The following MAPK4 variants were observed in gnomAD, a reference collection of about 807,000 sequenced individuals.
MAPK4 encodes the protein mitogen-activated protein kinase 4, also known as Erk3-related.
MAPK4 carries 22 observed loss-of-function variants against 47.7 expected under a neutral mutation model. That is an observed-to-expected ratio of 0.46 (90% CI 0.33 to 0.66). MAPK4 has a LOEUF of 0.66. Ranked by LOEUF, MAPK4 falls within the 30% of genes least tolerant of loss-of-function variation. The probability of loss-of-function intolerance (pLI) is 0.02; values close to 1 mark genes in which losing one functional copy is unlikely to be tolerated. For synonymous variants in MAPK4, 390 were observed against 365.7 expected, an observed-to-expected ratio of 1.07 and a Z score of -0.76; for missense variants, 736 against 831.7, an observed-to-expected ratio of 0.88 and a Z score of 1.42.
chr18:50,566,748 T>C (rs925945116), intron 1 of MAPK4, among the ~76,000 whole-genome samples: 2 of 152,246 alleles, frequency 1.3e-5, no homozygotes, highest in African/African-American at 4.8e-5. Context: ...GCTTTTTTTG[T>C]ATCATCTTTA....
chr18:50,631,515 G>T (rs2144154447), intron 1 of MAPK4, among the ~76,000 whole-genome samples: 2 of 152,226 alleles, frequency 1.3e-5, no homozygotes, highest in Middle Eastern at 3.4e-3. Context: ...GAATAAAGAG[G>T]GTCAACTTAG....
intron 1 of MAPK4, among the ~76,000 whole-genome samples, chr18:50,632,487 C>A (rs1002862468): frequency 1.3e-5 from 2 of 152,186 alleles, no homozygotes; most frequent in African/African-American, 2.4e-5. Context: ...GTAGTATTTC[C>A]CTCAACCTTG....
At chr18:50,603,241 T>C (rs574436122) in intron 1 of MAPK4, among the ~76,000 whole-genome samples, 1 of 151,788 alleles carries the variant, frequency 6.6e-6, no homozygotes, top group East Asian at 1.9e-4. Flanking sequence ...GGGTGAGGAG[T>C]CATCAGCCAC....
intron 2 of MAPK4, among the ~76,000 whole-genome samples, chr18:50,708,363 T>C (rs568292203): frequency 6.6e-6 from 1 of 152,272 alleles, no homozygotes; most frequent in East Asian, 1.9e-4. Context: ...ACCCCTATTA[T>C]AGGTCAGTCT....
At chr18:50,604,939 G>A (rs997084481) in intron 1 of MAPK4, among the ~76,000 whole-genome samples, 1 of 152,228 alleles carries the variant, frequency 6.6e-6, no homozygotes, top group African/African-American at 2.4e-5. Flanking sequence ...AAATGATAGT[G>A]CAAGAGACAG....
intron 1 of MAPK4, among the ~76,000 whole-genome samples, chr18:50,562,953 T>C (rs1228204377): frequency 6.6e-6 from 1 of 152,192 alleles, no homozygotes; most frequent in African/African-American, 2.4e-5. Context: ...CCTTGTATGT[T>C]TATCTTTTTG....
In MAPK4 at chr18:50,663,927, TA is replaced by T; in HGVS notation, c.-31del. ...TGGCCTTTCCTGACTGCCCCTGTGT[TA>T]CCTGGGCAGCTCCAGATCACTGAGC... is the stretch of plus-strand genomic sequence containing the variant. On this transcript the variant is annotated 5_prime_UTR_variant, in exon 2 of 6. The change abolishes the stop of an existing upstream ORF in the 5' untranslated region. Transcript: ENST00000400384. 6.3e-7 allele frequency: 1 copy of T among 1,579,428 alleles called. No individual in the cohort carries two copies. Among genetic ancestry groups the T allele is most frequent in the Non-Finnish European group, 8.6e-7 (1 of 1,158,954 alleles).
chr18:50,729,729 C>A lies in MAPK4; in HGVS notation c.1639C>A (p.Leu547Met). The A allele has an allele frequency of 6.3e-7, 1 of 1,595,346 alleles. No homozygotes were observed. Among genetic ancestry groups the A allele is most frequent in the South Asian group, 1.1e-5 (1 of 87,576 alleles). The change falls in exon 6 of 6, where the codon CTG (leucine) becomes ATG (methionine). Residue 547 changes from leucine (L) to methionine (M), a missense_variant. Transcript: ENST00000400384. ...FDLDVFISRALKLCTKPEDLP... is the reference protein window; with the variant it reads ...FDLDVFISRAMKLCTKPEDLP... The stretch of plus-strand genomic sequence containing the variant: ...CCTGGACGTGTTCATCTCCCGCGCC[C>A]TGAAGCTCTGCACCAAGCCCGAGGA...
chr18:50,720,212 A>G (rs7236624), intron 3 of MAPK4, among the ~76,000 whole-genome samples: 150,435 of 152,220 alleles, frequency 0.99, 74,361 homozygotes, highest in East Asian at 1. Context: ...TGATTAGGAC[A>G]TAAATCCCCA....
chr18:50,643,910 C>T (rs1239201736), intron 1 of MAPK4, among the ~76,000 whole-genome samples: 2 of 152,130 alleles, frequency 1.3e-5, no homozygotes, highest in African/African-American at 4.8e-5. Flanking sequence ...AATGTCTTAA[C>T]ATCCCTTGTC....
At chr18:50,660,677 A>T (rs900030928) in intron 1 of MAPK4, among the ~76,000 whole-genome samples, 2 of 152,198 alleles carry the variant, frequency 1.3e-5, no homozygotes, top group South Asian at 2.1e-4. Context: ...GAGAACCAGG[A>T]TGGATGCTTT....
chr18:50,696,130 C>T (rs962859687), intron 2 of MAPK4, among the ~76,000 whole-genome samples: 6 of 151,806 alleles, frequency 4.0e-5, no homozygotes, highest in African/African-American at 1.5e-4. Flanking sequence ...AAACTGTTGG[C>T]CCTGCACTGT....
At chr18:50,609,259 C>G (rs560007025) in intron 1 of MAPK4, among the ~76,000 whole-genome samples, 1 of 151,748 alleles carries the variant, frequency 6.6e-6, no homozygotes, top group Admixed American at 6.6e-5. Flanking sequence ...GGGTGGCGGC[C>G]GGGCAGAGGG....
intron 1 of MAPK4, among the ~76,000 whole-genome samples, chr18:50,643,469 G>T (rs1231915318): frequency 6.6e-6 from 1 of 152,266 alleles, no homozygotes; most frequent in African/African-American, 2.4e-5. Flanking sequence ...GTTGCAGCGA[G>T]TCGAGGTCGC....
intron 2 of MAPK4, among the ~76,000 whole-genome samples, chr18:50,690,614 A>G (rs1909159691): frequency 1.3e-5 from 2 of 152,244 alleles, no homozygotes; most frequent in African/African-American, 4.8e-5. Flanking sequence ...AGGTTCCAGT[A>G]AAGTACAATA....
At chr18:50,603,161 C>T (rs952631820) in intron 1 of MAPK4, among the ~76,000 whole-genome samples, 1 of 152,064 alleles carries the variant, frequency 6.6e-6, no homozygotes, top group Non-Finnish European at 1.5e-5. Context: ...ACAGGTCAGT[C>T]CCCCATGGGC....
intron 3 of MAPK4, among the ~76,000 whole-genome samples, chr18:50,718,535 T>C (rs1238975019): frequency 6.6e-6 from 1 of 152,100 alleles, no homozygotes; most frequent in African/African-American, 2.4e-5. Flanking sequence ...AAAATATTTA[T>C]ATTGGGCACA....
chr18:50,582,340 T>A (rs928581644), intron 1 of MAPK4, among the ~76,000 whole-genome samples: 2 of 152,146 alleles, frequency 1.3e-5, no homozygotes, highest in Non-Finnish European at 2.9e-5. Context: ...CTACCACCTA[T>A]CCCCACCCTA....
At chr18:50,728,775 A>T (rs1444634020) in intron 5 of MAPK4, among the ~76,000 whole-genome samples, 1 of 152,196 alleles carries the variant, frequency 6.6e-6, no homozygotes, top group Non-Finnish European at 1.5e-5. Flanking sequence ...CAAGACCCGC[A>T]GGTGATTCGT....
Sources: gnomAD v4.1 joint callset for allele counts (sites outside exome capture counted in the v4.1 genomes callset) on GRCh38, gnomAD v4.1.1 for gene constraint, MANE v1.5 for transcripts, NCBI Gene and HGNC (gene_info 2026-07-23, HGNC 2026-07-21) for gene names.